RAB3C: variants seen among roughly 807,000 people sequenced by gnomAD.
RAB3C encodes the protein ras-related protein Rab-3C.
A neutral mutation model predicts 26.4 loss-of-function variants in RAB3C; 17 were observed. The ratio of observed to expected loss-of-function variants is 0.64; its 90% CI spans 0.44 to 0.97. The LOEUF is 0.97. RAB3C is among the 50% of genes least tolerant of loss of function. RAB3C has a pLI of 0.00. For synonymous variants in RAB3C, 91 were observed against 95.9 expected, an observed-to-expected ratio of 0.95 and a Z score of 0.30; for missense variants, 242 against 281.9, an observed-to-expected ratio of 0.86 and a Z score of 1.01.
rs79586394 is a variant in RAB3C, at chr5:58,595,857, GT to G, written c.24+12629del. 3.6e-4 allele frequency among the ~76,000 whole-genome samples: 55 copies of G among 152,228 alleles called. No individual in the cohort carries two copies. In the East Asian group the frequency reaches 9.5e-3, roughly 26 times the overall value. On this transcript the variant is annotated intron_variant, in intron 1 of 4. Coordinates refer to ENST00000282878, the MANE Select transcript of RAB3C (RefSeq NM_138453.4). Reference sequence around the variant, plus strand: ...ATATTTTATCATATCCACAAGAAAAGTTTTGAACGATTCTTTACATTTTGTT... The same window carrying G: ...ATATTTTATCATATCCACAAGAAAAGTTTGAACGATTCTTTACATTTTGTT...
At chr5:58,813,592 T>TTATATATATATA (rs869039335) in intron 3 of RAB3C, among the ~76,000 whole-genome samples, 45 of 47,752 alleles carry the variant, frequency 9.4e-4, no homozygotes, top group Non-Finnish European at 1.6e-3. Flanking sequence ...ATATTTATAT[T>TTATATATATATA]TATATATATA....
intron 2 of RAB3C, among the ~76,000 whole-genome samples, chr5:58,645,912 C>CTT (rs1386090077): frequency 6.6e-6 from 1 of 152,094 alleles, no homozygotes; most frequent in Non-Finnish European, 1.5e-5. Flanking sequence ...CACTCTTTCC[C>CTT]ACGTTAGGAG....
intron 2 of RAB3C, among the ~76,000 whole-genome samples, chr5:58,633,836 A>C (rs1411275951): frequency 6.6e-6 from 1 of 152,130 alleles, no homozygotes; most frequent in Non-Finnish European, 1.5e-5. Flanking sequence ...TTTACTTGTT[A>C]AATTTGTTTG....
At chr5:58,619,046 C>T (rs977281167) in intron 2 of RAB3C, among the ~76,000 whole-genome samples, 3 of 152,062 alleles carry the variant, frequency 2.0e-5, no homozygotes, top group Admixed American at 6.6e-5. Flanking sequence ...ACTGAATGAC[C>T]TTTACACATC....
In RAB3C at chr5:58,606,978, A is replaced by G. The variant is rs535143264; in HGVS notation, c.25-10665A>G. 3.3e-5 allele frequency among the ~76,000 whole-genome samples: 5 copies of G among 152,332 alleles called. No individual in the cohort carries two copies. The South Asian group carries it at 1.0e-3, about 32-fold the overall frequency. On this transcript the variant is annotated intron_variant, in intron 1 of 4. Coordinates refer to ENST00000282878, the MANE Select transcript of RAB3C (RefSeq NM_138453.4). ...GGAGAAACCAGAGCAGAAAAGCTGA[A>G]AATTCCAAAAACCAGCGCGCCTCTT...
rs1746340229 is a variant in RAB3C, at chr5:58,597,456, A to G, written c.24+14224A>G. On this transcript the variant is annotated intron_variant, in intron 1 of 4. Coordinates refer to ENST00000282878, the MANE Select transcript of RAB3C (RefSeq NM_138453.4). ...ATTATATATAAGCATATAACAATAC[A>G]TAGTACATTATATATAAGCATATAA... is the stretch of plus-strand genomic sequence containing the variant. Among the ~76,000 whole-genome samples, 3 of 121,172 alleles carry G rather than the reference A, an allele frequency of 2.5e-5. No homozygotes were observed. In the South Asian group the frequency reaches 8.5e-4, roughly 34 times the overall value. The allele number at this position is 121,172 out of a possible 152,430, so 79.5% of individuals were successfully genotyped here.
chr5:58,709,942 A>T (rs981078532), intron 2 of RAB3C, among the ~76,000 whole-genome samples: 1 of 152,212 alleles, frequency 6.6e-6, no homozygotes, highest in Non-Finnish European at 1.5e-5. Context: ...GCCGTGGGTA[A>T]CTTTGTGCCT....
At chr5:58,605,200 A>G (rs756097045) in intron 1 of RAB3C, among the ~76,000 whole-genome samples, 27 of 152,122 alleles carry the variant, frequency 1.8e-4, no homozygotes, top group Non-Finnish European at 4.0e-4. Context: ...GTCTGCTTCC[A>G]TCAGAGGGTC....
At chr5:58,639,634 A>C (rs1010380891) in intron 2 of RAB3C, among the ~76,000 whole-genome samples, 4 of 152,030 alleles carry the variant, frequency 2.6e-5, no homozygotes, top group Admixed American at 2.6e-4. Flanking sequence ...TCGCCTCCAA[A>C]TGTCATCACG....
chr5:58,818,339 A>C (rs1211507456), intron 3 of RAB3C, among the ~76,000 whole-genome samples: 1 of 152,250 alleles, frequency 6.6e-6, no homozygotes, highest in Non-Finnish European at 1.5e-5. Context: ...TGTGTGAAAC[A>C]TCATAAAATA....
chr5:58,612,371 C>G (rs566287747), intron 1 of RAB3C, among the ~76,000 whole-genome samples: 1 of 151,396 alleles, frequency 6.6e-6, no homozygotes, highest in South Asian at 2.1e-4. Context: ...TGAGCAAGGA[C>G]TATTTTTCCA....
chr5:58,758,554 T>C (rs186000163), intron 3 of RAB3C, among the ~76,000 whole-genome samples: 1 of 152,330 alleles, frequency 6.6e-6, no homozygotes, highest in African/African-American at 2.4e-5. Flanking sequence ...TGTCAAACAC[T>C]GGTGTGTTGA....
At chr5:58,810,738 A>C (rs1290242585) in intron 3 of RAB3C, among the ~76,000 whole-genome samples, 5 of 152,142 alleles carry the variant, frequency 3.3e-5, no homozygotes, top group African/African-American at 1.2e-4. Flanking sequence ...CTGGGACTAC[A>C]GGCATGCATC....
At chr5:58,738,571 T>C (rs1337570444) in intron 3 of RAB3C, among the ~76,000 whole-genome samples, 1 of 152,206 alleles carries the variant, frequency 6.6e-6, no homozygotes, top group African/African-American at 2.4e-5. Context: ...AACTGTACTT[T>C]GGCCTCACTG....
Position 58,857,411 on chromosome 5 carries a change from T to C in RAB3C, c.*6060T>C, listed in dbSNP as rs918946036. The C allele has an allele frequency of 6.6e-6, 1 of 152,194 alleles. No individual in the cohort carries two copies. The highest frequency in any genetic ancestry group is 2.4e-5 in the African/African-American group (1 of 41,456). The allele number at this position is 152,194 out of a possible 1,614,324, so 9.4% of individuals were successfully genotyped here. A position where few individuals can be genotyped will look rare whatever the true frequency, so the allele number is the denominator to read the frequency against. The stretch of plus-strand genomic sequence containing the variant: ...TGTTCATTTATTTTATAAAAGCATC[T>C]CCTTCTATAACTCAAAATTTTCTTT... On this transcript the variant is annotated 3_prime_UTR_variant, in exon 5 of 5. Coordinates refer to ENST00000282878, the MANE Select transcript of RAB3C (RefSeq NM_138453.4).
chr5:58,676,078 G>T (rs975016505), intron 2 of RAB3C, among the ~76,000 whole-genome samples: 3 of 152,106 alleles, frequency 2.0e-5, no homozygotes, highest in Non-Finnish European at 4.4e-5. Flanking sequence ...AAAAGTCCCT[G>T]TATTTCCCCA....
chr5:58,611,089 G>T (rs1345089605), intron 1 of RAB3C, among the ~76,000 whole-genome samples: 1 of 151,340 alleles, frequency 6.6e-6, no homozygotes, highest in Non-Finnish European at 1.5e-5. Context: ...ACATTTTTAT[G>T]GCTGCATAGG....
At chr5:58,689,364 G>A (rs1489011147) in intron 2 of RAB3C, 2 of 152,028 alleles carry the variant, frequency 1.3e-5, no homozygotes, top group African/African-American at 2.4e-5. Context: ...ACTTTTAACT[G>A]GCTTAAGTAT....
chr5:58,827,475 C>G (rs1437994509), intron 4 of RAB3C, among the ~76,000 whole-genome samples: 1 of 152,150 alleles, frequency 6.6e-6, no homozygotes, highest in South Asian at 2.1e-4. Flanking sequence ...TAATAAATTA[C>G]TTGGATATTG....
Sources: gnomAD v4.1 joint callset for allele counts (sites outside exome capture counted in the v4.1 genomes callset) on GRCh38, gnomAD v4.1.1 for gene constraint, MANE v1.5 for transcripts, NCBI Gene and HGNC (gene_info 2026-07-23, HGNC 2026-07-21) for gene names.